COBLL1: variants seen among roughly 807,000 people sequenced by gnomAD.
COBLL1 encodes the protein cordon-bleu WH2 repeat protein like 1, also known as cordon-bleu protein-like 1.
A neutral mutation model predicts 94.8 loss-of-function variants in COBLL1; 50 were observed. The observed-to-expected ratio is 0.53, with a 90% CI of 0.42 to 0.67. The LOEUF (loss-of-function observed/expected upper bound fraction) is 0.67, where lower values mean the gene tolerates loss of function less well. Among genes scored for constraint, COBLL1 ranks in the 30% least tolerant of loss-of-function variants. The probability of loss-of-function intolerance (pLI) is 0.00; values close to 1 mark genes in which losing one functional copy is unlikely to be tolerated. For missense variants in COBLL1, 1,362 were observed against 1,348.7 expected, an observed-to-expected ratio of 1.01 and a Z score of -0.15; for synonymous variants, 448 against 473.8, an observed-to-expected ratio of 0.95 and a Z score of 0.71.
At chr2:164,762,991 T>G (rs1304458215) in intron 2 of COBLL1, among the ~76,000 whole-genome samples, 1 of 152,120 alleles carries the variant, frequency 6.6e-6, no homozygotes, top group Non-Finnish European at 1.5e-5. Context: ...CCACTGCGCC[T>G]GCCCGCCTAT....
chr2:164,742,053 C>G (rs1217942552), intron 3 of COBLL1, among the ~76,000 whole-genome samples: 1 of 152,036 alleles, frequency 6.6e-6, no homozygotes, highest in African/African-American at 2.4e-5. Context: ...GACCATGGAT[C>G]TCGGTTTCCA....
chr2:164,771,637 T>C (rs955017058), intron 2 of COBLL1, among the ~76,000 whole-genome samples: 2 of 152,068 alleles, frequency 1.3e-5, no homozygotes, highest in Non-Finnish European at 2.9e-5. Context: ...AGGCACACTG[T>C]TCTGAATAGA....
At chr2:164,824,500 G>A (rs958536262) in intron 2 of COBLL1, among the ~76,000 whole-genome samples, 5 of 152,150 alleles carry the variant, frequency 3.3e-5, no homozygotes, top group Non-Finnish European at 5.9e-5. Flanking sequence ...TTGGGAAAGC[G>A]TTACTTATTA....
intron 2 of COBLL1, among the ~76,000 whole-genome samples, chr2:164,818,574 A>ATGTG (rs1684977800): frequency 6.7e-6 from 1 of 148,668 alleles, no homozygotes; most frequent in Non-Finnish European, 1.5e-5. Context: ...TATATAGCAT[A>ATGTG]TATGTACATA....
At position 164,695,552 on chromosome 2, in the gene COBLL1, C is replaced by G; in HGVS notation, c.1840G>C (p.Asp614His). Residue 614 changes from aspartate (D) to histidine (H), a missense_variant, in exon 12 of 14, where the codon GAT becomes CAT. Asp to His is a moderately conservative substitution (Grantham distance 81). Transcript: ENST00000652658. ...IQTTPSCNSF[D>H]GKHQDHNLSD... is the part of the protein sequence containing the mutation. Reference sequence around the variant, plus strand: ...AAATTATGATCTTGGTGTTTCCCATCAAAACTGTTACAAGAAGGGGTTGTC... The same window carrying G: ...AAATTATGATCTTGGTGTTTCCCATGAAAACTGTTACAAGAAGGGGTTGTC... 1 of 1,613,920 alleles carries G rather than the reference C, an allele frequency of 6.2e-7. No homozygotes were observed. Among genetic ancestry groups the G allele is most frequent in the Non-Finnish European group, 8.5e-7 (1 of 1,179,916 alleles).
Position 164,695,040 on chromosome 2 carries a change from A to T in COBLL1, c.2352T>A (p.Ala784=). 1.2e-6 allele frequency: 2 copies of T among 1,613,930 alleles called. No homozygotes were observed. The highest frequency in any genetic ancestry group is 1.6e-4 in the Middle Eastern group (1 of 6,062). Residue 784 remains alanine (A), a synonymous_variant, in exon 12 of 14, where the codon GCT becomes GCA. Coordinates refer to ENST00000652658, the MANE Select transcript of COBLL1 (RefSeq NM_001365672.2). ...GTGGCTCTTCTGGGCTTTCAGAAATAGCAGAATCTTCTGTTTGGATGGCAG... is the reference window on the plus strand; with the variant it reads ...GTGGCTCTTCTGGGCTTTCAGAAATTGCAGAATCTTCTGTTTGGATGGCAG... The part of the protein sequence containing the change: ...KETAIQTEDS[A]ISESPEEPLP...
intron 2 of COBLL1, among the ~76,000 whole-genome samples, chr2:164,835,940 T>G (rs1462128122): frequency 6.6e-6 from 1 of 152,036 alleles, no homozygotes; most frequent in Non-Finnish European, 1.5e-5. Context: ...AGTTCAGGAG[T>G]TTTTGACTGA....
At chr2:164,813,478 G>C (rs1684561041) in intron 2 of COBLL1, among the ~76,000 whole-genome samples, 1 of 152,092 alleles carries the variant, frequency 6.6e-6, no homozygotes, top group Admixed American at 6.6e-5. Flanking sequence ...CATGTAACCA[G>C]CTACCATCAT....
At chr2:164,802,190 T>C (rs1456351781) in intron 2 of COBLL1, among the ~76,000 whole-genome samples, 1 of 152,204 alleles carries the variant, frequency 6.6e-6, no homozygotes, top group Non-Finnish European at 1.5e-5. Flanking sequence ...AGTGTATTTG[T>C]AGAGAAATTA....
intron 2 of COBLL1, among the ~76,000 whole-genome samples, chr2:164,660,030 G>A (rs867147711): frequency 6.6e-6 from 1 of 152,174 alleles, no homozygotes; most frequent in Non-Finnish European, 1.5e-5. Flanking sequence ...TACAGTTTAT[G>A]TTCTGAATAA....
chr2:164,822,718 C>T (rs1685223823), intron 2 of COBLL1, among the ~76,000 whole-genome samples: 1 of 136,366 alleles, frequency 7.3e-6, no homozygotes, highest in South Asian at 2.4e-4. Context: ...TGTAAGCTCT[C>T]TGAAAAGATT....
chr2:164,687,817 T>A (rs1683383314), intron 13 of COBLL1: 2 of 399,088 alleles, frequency 5.0e-6, no homozygotes, highest in African/African-American at 2.0e-5. Flanking sequence ...TCCTAAATGT[T>A]TCTGTGTACA....
At chr2:164,667,946 CTT>C (rs1170450391) in intron 1 of COBLL1, among the ~76,000 whole-genome samples, 19 of 132,778 alleles carry the variant, frequency 1.4e-4, no homozygotes, top group Admixed American at 2.3e-4. Context: ...TCTCGGCTTT[CTT>C]TTTTTTTTTT....
chr2:164,805,352 TATATATATATAA>T lies in COBLL1; in HGVS notation c.41+35792_41+35803del, dbSNP rs1202652929. Among the ~76,000 whole-genome samples the T allele has an allele frequency of 4.4e-5, 5 of 113,286 alleles. 1 individual carries two copies. The highest frequency in any genetic ancestry group is 8.9e-5 in the Non-Finnish European group (5 of 56,128). 74.3% of individuals were successfully genotyped at this position (113,286 alleles called of 152,430 possible). Reference sequence around the variant, plus strand: ...CTCTCTCTCTCTATATATATATATATATATATATATAAAACTAAAGTTCATAGTTTACATTAG... The same window carrying T: ...CTCTCTCTCTCTATATATATATATATAACTAAAGTTCATAGTTTACATTAG... On this transcript the variant is annotated intron_variant, in intron 2 of 13. Transcript: ENST00000652658.
At chr2:164,827,105 C>T (rs545590408) in intron 2 of COBLL1, among the ~76,000 whole-genome samples, 1 of 152,190 alleles carries the variant, frequency 6.6e-6, no homozygotes, top group South Asian at 2.1e-4. Flanking sequence ...CATGCACTAC[C>T]ATGCCTGGTT....
chr2:164,828,926 C>G (rs1682921072), intron 2 of COBLL1, among the ~76,000 whole-genome samples: 1 of 152,014 alleles, frequency 6.6e-6, no homozygotes, highest in African/African-American at 2.4e-5. Flanking sequence ...AGAATGCTAC[C>G]AGGATTCAAA....
chr2:164,759,884 C>T (rs1228504751), intron 2 of COBLL1, among the ~76,000 whole-genome samples: 1 of 152,156 alleles, frequency 6.6e-6, no homozygotes, highest in African/African-American at 2.4e-5. Context: ...TTTTAAAATA[C>T]TGGTAATACC....
intron 2 of COBLL1, among the ~76,000 whole-genome samples, chr2:164,826,773 C>T (rs918343375): frequency 1.3e-5 from 2 of 152,166 alleles, no homozygotes; most frequent in African/African-American, 4.8e-5. Flanking sequence ...TGTTTCATTG[C>T]ATCAGACAAC....
In COBLL1 at chr2:164,761,912, C is replaced by T. The variant is rs181808756; in HGVS notation, c.42-18037G>A. On this transcript the variant is annotated intron_variant, in intron 2 of 13. Transcript: ENST00000652658. Reference sequence around the variant, plus strand: ...ACCTACCAGGCCCTTTTCACCTTTTCTCAGCAAAGAATGAATCACAGTTTT... The same window carrying T: ...ACCTACCAGGCCCTTTTCACCTTTTTTCAGCAAAGAATGAATCACAGTTTT... Among the ~76,000 whole-genome samples the T allele has an allele frequency of 4.4e-4, 67 of 152,284 alleles. No individual in the cohort carries two copies. In the East Asian group the frequency reaches 0.013, roughly 29 times the overall value.
Sources: allele counts gnomAD v4.1 joint callset (sites outside exome capture counted in the v4.1 genomes callset), GRCh38; gene constraint gnomAD v4.1.1; transcripts MANE v1.5; gene names NCBI Gene and HGNC (gene_info 2026-07-23, HGNC 2026-07-21).